Variants in COL21A1 observed in about 807,000 individuals in gnomAD.
The protein encoded by COL21A1 is collagen type XXI alpha 1 chain, also known as collagen alpha-1(XXI) chain.
COL21A1 carries 149 observed loss-of-function variants against 137.9 expected under a neutral mutation model. That is an observed-to-expected ratio of 1.08 (90% CI 0.95 to 1.24). The LOEUF is 1.24. Ranked by LOEUF, COL21A1 falls within the 50% of genes most tolerant of loss-of-function variation. The pLI is 0.00. For synonymous variants in COL21A1, 456 were observed against 391.5 expected (o/e 1.16, Z -1.95); for missense variants, 1,167 against 1,158.4 (o/e 1.01, Z -0.11).
At chr6:56,093,983 AC>A (rs1769095389) in intron 17 of COL21A1, among the ~76,000 whole-genome samples, 1 of 151,966 alleles carries the variant, frequency 6.6e-6, no homozygotes, top group Non-Finnish European at 1.5e-5. Context: ...CACAACCTTA[AC>A]CTTTTTTCCA....
intron 1 of COL21A1, among the ~76,000 whole-genome samples, chr6:56,283,388 A>G (rs1005485952): frequency 6.6e-6 from 1 of 152,188 alleles, no homozygotes; most frequent in Admixed American, 6.5e-5. Context: ...AAAAAAGGAA[A>G]AGAATAAATA....
At chr6:56,061,985 A>G (rs1030986841) in intron 24 of COL21A1, among the ~76,000 whole-genome samples, 38 of 152,150 alleles carry the variant, frequency 2.5e-4, no homozygotes, top group Non-Finnish European at 4.7e-4. Flanking sequence ...TTTAAAATAT[A>G]GTACTATTTT....
At chr6:56,341,800 G>A (rs993890566) in intron 1 of COL21A1, among the ~76,000 whole-genome samples, 1 of 152,164 alleles carries the variant, frequency 6.6e-6, no homozygotes, top group Non-Finnish European at 1.5e-5. Context: ...TTGATAGTGA[G>A]GGAGCCTGTG....
chr6:56,207,897 C>T (rs1332010448), intron 1 of COL21A1, among the ~76,000 whole-genome samples: 2 of 152,088 alleles, frequency 1.3e-5, no homozygotes, highest in East Asian at 3.9e-4. Flanking sequence ...AATCAATAAA[C>T]ATAATCCATC....
chr6:56,267,770 A>AAAG (rs1200291450), intron 1 of COL21A1, among the ~76,000 whole-genome samples: 1 of 125,850 alleles, frequency 7.9e-6, no homozygotes, highest in African/African-American at 2.8e-5. Flanking sequence ...AAAAAAAAAA[A>AAAG]AAGAAGAAGA....
chr6:56,095,758 G>C (rs1245116452), intron 17 of COL21A1, among the ~76,000 whole-genome samples: 4 of 152,100 alleles, frequency 2.6e-5, no homozygotes. Flanking sequence ...TCCAGAATTT[G>C]GCCAAGAGAG....
intron 1 of COL21A1, among the ~76,000 whole-genome samples, chr6:56,223,865 A>T (rs1781016639): frequency 6.6e-6 from 1 of 151,950 alleles, no homozygotes; most frequent in Non-Finnish European, 1.5e-5. Context: ...ATTTTATTTT[A>T]TTTTTTTAAA....
chr6:56,231,298 T>C (rs1349019527), intron 1 of COL21A1, among the ~76,000 whole-genome samples: 1 of 151,886 alleles, frequency 6.6e-6, no homozygotes, highest in Non-Finnish European at 1.5e-5. Context: ...TATGGAAAAA[T>C]GATAAACATC....
intron 1 of COL21A1, among the ~76,000 whole-genome samples, chr6:56,224,494 A>T (rs564443582): frequency 6.6e-6 from 1 of 152,222 alleles, no homozygotes; most frequent in South Asian, 2.1e-4. Context: ...CAAAAATACT[A>T]TTTTAATGCT....
At chr6:56,114,692 T>C (rs1252540800) in intron 16 of COL21A1, among the ~76,000 whole-genome samples, 2 of 149,968 alleles carry the variant, frequency 1.3e-5, no homozygotes, top group Admixed American at 1.3e-4. Context: ...GGAGAGGATG[T>C]GGAGAAATAG....
intron 1 of COL21A1, among the ~76,000 whole-genome samples, chr6:56,359,471 A>G (rs2152348180): frequency 6.6e-6 from 1 of 152,300 alleles, no homozygotes; most frequent in South Asian, 2.1e-4. Context: ...CCTGAATCAG[A>G]TCATGGAAGT....
intron 17 of COL21A1, among the ~76,000 whole-genome samples, chr6:56,085,851 A>AT: frequency 6.6e-6 from 1 of 150,830 alleles, no homozygotes; most frequent in East Asian, 1.9e-4. Context: ...TTCTTTATAT[A>AT]TTTTTTTCAA....
intron 12 of COL21A1, among the ~76,000 whole-genome samples, chr6:56,128,742 C>A (rs1773254730): frequency 6.6e-6 from 1 of 152,158 alleles, no homozygotes; most frequent in African/African-American, 2.4e-5. Context: ...GCAACCTCTG[C>A]CCCCCAGGCT....
At chr6:56,176,025 C>T (rs187565900) in intron 3 of COL21A1, among the ~76,000 whole-genome samples, 2 of 152,014 alleles carry the variant, frequency 1.3e-5, no homozygotes, top group Admixed American at 6.6e-5. Context: ...GACTGCCCGA[C>T]GGGGAAAGGA....
chr6:56,122,126 T>A (rs1025872044), intron 16 of COL21A1, among the ~76,000 whole-genome samples: 14 of 152,112 alleles, frequency 9.2e-5, no homozygotes, highest in African/African-American at 3.4e-4. Context: ...CCCACAAAAA[T>A]GTCATGGTAA....
intron 1 of COL21A1, among the ~76,000 whole-genome samples, chr6:56,193,032 T>C (rs1401918210): frequency 6.6e-6 from 1 of 152,154 alleles, no homozygotes; most frequent in African/African-American, 2.4e-5. Flanking sequence ...TAGATGAAGC[T>C]GGGAATCACC....
At chr6:56,059,549 T>G (rs1288298458) in intron 28 of COL21A1, among the ~76,000 whole-genome samples, 6 of 152,014 alleles carry the variant, frequency 3.9e-5, no homozygotes, top group Non-Finnish European at 1.5e-5. Context: ...TTATATACTA[T>G]TAAACAAAAA....
At chr6:56,286,296 C>T (rs1763910492) in intron 1 of COL21A1, among the ~76,000 whole-genome samples, 1 of 152,220 alleles carries the variant, frequency 6.6e-6, no homozygotes, top group South Asian at 2.1e-4. Context: ...TACACATGTA[C>T]ACACACTAAT....
intron 12 of COL21A1, 30 bp from the exon 13 acceptor site, chr6:56,126,179 G>GA: frequency 6.9e-7 from 1 of 1,447,276 alleles, no homozygotes; most frequent in Non-Finnish European, 9.5e-7. Flanking sequence ...TAATTACAAA[G>GA]AAAAACCATT....
Sources: gnomAD v4.1 joint callset for allele counts (sites outside exome capture counted in the v4.1 genomes callset) on GRCh38, gnomAD v4.1.1 for gene constraint, MANE v1.5 for transcripts, NCBI Gene and HGNC (gene_info 2026-07-23, HGNC 2026-07-21) for gene names.